Variants in PARD3B observed in about 807,000 individuals in gnomAD.
The protein encoded by PARD3B is partitioning defective 3 homolog B.
PARD3B carries 103 observed loss-of-function variants against 130.2 expected under a neutral mutation model. The ratio of observed to expected loss-of-function variants is 0.79; its 90% confidence interval spans 0.67 to 0.93. PARD3B has a LOEUF of 0.93. PARD3B is among the 40% of genes least tolerant of loss of function. The pLI is 0.00. For missense variants in PARD3B, 1,609 were observed against 1,499.2 expected, an observed-to-expected ratio of 1.07 and a Z score of -1.21; for synonymous variants, 583 against 553.2, an observed-to-expected ratio of 1.05 and a Z score of -0.76.
chr2:205,356,392 C>G (rs908542460), intron 18 of PARD3B, among the ~76,000 whole-genome samples: 2 of 151,950 alleles, frequency 1.3e-5, no homozygotes, highest in South Asian at 2.1e-4. Context: ...TGCTCTGTCA[C>G]CCAGGCTGGA....
At chr2:204,547,632 A>G (rs2030087785) in intron 1 of PARD3B, among the ~76,000 whole-genome samples, 1 of 152,206 alleles carries the variant, frequency 6.6e-6, no homozygotes, top group Non-Finnish European at 1.5e-5. Flanking sequence ...TAGTAACAAC[A>G]TTACTCCAGA....
intron 6 of PARD3B, among the ~76,000 whole-genome samples, chr2:205,118,672 C>A (rs1472651864): frequency 6.6e-6 from 1 of 152,146 alleles, no homozygotes. Flanking sequence ...AAGTTTACTG[C>A]AAGCATGAGA....
chr2:205,400,482 A>G (rs941551262), intron 18 of PARD3B, among the ~76,000 whole-genome samples: 2 of 152,090 alleles, frequency 1.3e-5, no homozygotes, highest in Non-Finnish European at 2.9e-5. Context: ...CTCTACTAAA[A>G]ATACAAAAAT....
rs576307468 is a variant in PARD3B at position 205,269,284 on chromosome 2, T to C, written c.2185+23462T>C. The stretch of plus-strand genomic sequence containing the variant: ...CTTGAGTATTTTATTCAAAACTTTT[T>C]GGTACTTAATCCTATAAAAATAATG... On this transcript the variant is annotated intron_variant, in intron 16 of 22. Transcript: ENST00000406610. This position sits in a 1 kb window ranked among gnomAD's most constrained non-coding sequence, Gnocchi z 4.7. 2.3e-4 allele frequency among the ~76,000 whole-genome samples: 35 copies of C among 152,296 alleles called. No homozygotes were observed. Among genetic ancestry groups the C allele is most frequent in the South Asian group, 6.2e-4 (3 of 4,820 alleles).
At chr2:204,752,469 A>C (rs2040502301) in intron 2 of PARD3B, among the ~76,000 whole-genome samples, 1 of 152,146 alleles carries the variant, frequency 6.6e-6, no homozygotes, top group Non-Finnish European at 1.5e-5. Context: ...ATGAATAAAA[A>C]ATGGTATCTT....
chr2:204,839,018 A>G (rs189838568), intron 2 of PARD3B, among the ~76,000 whole-genome samples: 1 of 152,308 alleles, frequency 6.6e-6, no homozygotes, highest in East Asian at 1.9e-4. Flanking sequence ...TTAAAGTCAT[A>G]TGCTACACCA....
intron 15 of PARD3B, among the ~76,000 whole-genome samples, chr2:205,217,300 T>A (rs2037965497): frequency 6.6e-6 from 1 of 152,190 alleles, no homozygotes; most frequent in Non-Finnish European, 1.5e-5. Flanking sequence ...GACAGCCTCA[T>A]TAGTTAGGCA....
chr2:204,782,363 T>C (rs1306930611), intron 2 of PARD3B, among the ~76,000 whole-genome samples: 1 of 128,754 alleles, frequency 7.8e-6, no homozygotes, highest in Non-Finnish European at 1.6e-5. Context: ...TGTTATATAA[T>C]ATATACCATC....
intron 2 of PARD3B, among the ~76,000 whole-genome samples, chr2:204,714,052 C>T (rs1206239070): frequency 6.6e-6 from 1 of 152,124 alleles, no homozygotes; most frequent in Non-Finnish European, 1.5e-5. Flanking sequence ...TAAACCCACC[C>T]TTCTGTATAT....
In PARD3B at chr2:204,998,372, GTGTATATA is replaced by G. The variant is rs1291908817; in HGVS notation, c.394+33053_394+33060del. ...TATATATATATATGTGTGTGTGTGTGTGTATATATGTGTGTGTATATATGTATATATGT... is the reference window on the plus strand; with the variant it reads ...TATATATATATATGTGTGTGTGTGTGTGTGTGTGTATATATGTATATATGT... On this transcript the variant is annotated intron_variant, in intron 3 of 22. Coordinates refer to ENST00000406610, the MANE Select transcript of PARD3B (RefSeq NM_001302769.2). 4.6e-3 allele frequency among the ~76,000 whole-genome samples: 377 copies of G among 81,712 alleles called. 5 individuals carry two copies. The highest frequency in any genetic ancestry group is 6.3e-3 in the Middle Eastern group (1 of 158). 53.6% of individuals were successfully genotyped at this position (81,712 alleles called of 152,430 possible).
At chr2:205,074,466 G>A (rs1045043400) in intron 4 of PARD3B, among the ~76,000 whole-genome samples, 10 of 152,106 alleles carry the variant, frequency 6.6e-5, no homozygotes, top group Non-Finnish European at 1.2e-4. Flanking sequence ...AAAAACTATC[G>A]TATGTCATCT....
rs537760803 is a variant in PARD3B at position 204,689,178 on chromosome 2, A to G, written c.222+2896A>G. ...AAAGTTCAGCCAGTGTTCTTAAGAA[A>G]TGACTTTTAAAACTTGTGCCTAAAG... On this transcript the variant is annotated intron_variant, in intron 2 of 22. Transcript: ENST00000406610. This position sits in a 1 kb window ranked among gnomAD's most constrained non-coding sequence, Gnocchi z 5.2. Among the ~76,000 whole-genome samples, 46 of 152,310 alleles carry G rather than the reference A, an allele frequency of 3.0e-4. No homozygotes were observed. Among genetic ancestry groups the G allele is most frequent in the Admixed American group, 2.0e-3 (30 of 15,278 alleles).
chr2:205,301,797 C>G lies in PARD3B; in HGVS notation c.2630+96C>G, dbSNP rs780441851. ...TACTCAGAAAAAAGCGCACGCTTTT[C>G]CTCGTCTTCAGCCAAATGCATACGG... On this transcript the variant is annotated intron_variant, in intron 18 of 22. Transcript: ENST00000406610. This position sits in a 1 kb window ranked among gnomAD's most constrained non-coding sequence, Gnocchi z 5.2. 16 of 1,574,686 alleles carry G rather than the reference C, an allele frequency of 1.0e-5. No individual in the cohort carries two copies. In the South Asian group the frequency reaches 1.8e-4, roughly 17 times the overall value.
At chr2:204,771,190 C>G (rs1209858092) in intron 2 of PARD3B, among the ~76,000 whole-genome samples, 1 of 151,382 alleles carries the variant, frequency 6.6e-6, no homozygotes, top group South Asian at 2.1e-4. Flanking sequence ...ATTTTTTTTT[C>G]TTCTTCCATT....
rs931164903 is a variant in PARD3B, at chr2:204,868,427, A to G, written c.223-96725A>G. On this transcript the variant is annotated intron_variant, in intron 2 of 22. Coordinates refer to ENST00000406610, the MANE Select transcript of PARD3B (RefSeq NM_001302769.2). The stretch of plus-strand genomic sequence containing the variant: ...CAGTACCCATAAGTAGTGGAACTAT[A>G]GTAGAAGGATGTTGTACATAATATA... Among the ~76,000 whole-genome samples, 6 of 152,312 alleles carry G rather than the reference A, an allele frequency of 3.9e-5. No homozygotes were observed. In the South Asian group the frequency reaches 1.0e-3, roughly 26 times the overall value.
chr2:205,132,762 T>C (rs1256347243), intron 10 of PARD3B, among the ~76,000 whole-genome samples: 2 of 152,236 alleles, frequency 1.3e-5, no homozygotes, highest in African/African-American at 4.8e-5. Flanking sequence ...TGTCTCAATT[T>C]CCTCATTTGT....
Position 205,325,131 on chromosome 2 carries a change from G to A in PARD3B, c.2630+23430G>A, listed in dbSNP as rs770782683. The stretch of plus-strand genomic sequence containing the variant: ...TGAATAGTCTTGATATTCTCTCCCA[G>A]CCCACTTACTACAGTACTGCCCATC... On this transcript the variant is annotated intron_variant, in intron 18 of 22. Coordinates refer to ENST00000406610, the MANE Select transcript of PARD3B (RefSeq NM_001302769.2). The surrounding 1 kb of genome is among the most constrained non-coding windows in gnomAD (Gnocchi z 4.1). Among the ~76,000 whole-genome samples, 15 of 151,968 alleles carry A rather than the reference G, an allele frequency of 9.9e-5. No homozygotes were observed. Among genetic ancestry groups the A allele is most frequent in the Admixed American group, 7.2e-4 (11 of 15,246 alleles).
intron 2 of PARD3B, among the ~76,000 whole-genome samples, chr2:204,938,613 G>A (rs1191982521): frequency 1.3e-5 from 2 of 152,090 alleles, no homozygotes; most frequent in Admixed American, 1.3e-4. Context: ...CACTAGACTA[G>A]GGCTTCTCAA....
At chr2:204,557,461 G>T (rs1346917471) in intron 1 of PARD3B, among the ~76,000 whole-genome samples, 1 of 152,142 alleles carries the variant, frequency 6.6e-6, no homozygotes, top group Non-Finnish European at 1.5e-5. Flanking sequence ...TCTTGGATCT[G>T]CTTCCTCCTT....
Sources: allele counts gnomAD v4.1 joint callset (sites outside exome capture counted in the v4.1 genomes callset), GRCh38; gene constraint gnomAD v4.1.1; non-coding constraint Gnocchi (gnomAD v3.1); transcripts MANE v1.5; gene names NCBI Gene and HGNC (gene_info 2026-07-23, HGNC 2026-07-21).